The following RNGTT variants were observed in gnomAD, a reference collection of about 807,000 sequenced individuals.
RNGTT encodes RNA guanylyltransferase and 5'-phosphatase.
A neutral mutation model predicts 79.3 loss-of-function variants in RNGTT; 33 were observed. The ratio of observed to expected loss-of-function variants is 0.42; its 90% CI spans 0.32 to 0.56. RNGTT has a LOEUF of 0.56. Ranked by LOEUF, RNGTT falls within the 20% of genes least tolerant of loss-of-function variation. The pLI is 0.17. For synonymous variants in RNGTT, 222 were observed against 235.9 expected (o/e 0.94, Z 0.54); for missense variants, 497 against 739.1 (o/e 0.67, Z 3.80).
intron 1 of RNGTT, among the ~76,000 whole-genome samples, chr6:88,956,392 ATAAAT>A (rs535671272): frequency 1.4e-4 from 21 of 152,130 alleles, no homozygotes; most frequent in Admixed American, 1.2e-3. Context: ...GAAAACAAAA[ATAAAT>A]TAATTAAATT....
chr6:88,886,202 A>G (rs769597746), intron 8 of RNGTT, among the ~76,000 whole-genome samples: 2 of 152,168 alleles, frequency 1.3e-5, no homozygotes, highest in Non-Finnish European at 2.9e-5. Context: ...GCTGCTCGGG[A>G]GGCTGAGGCA....
intron 14 of RNGTT, among the ~76,000 whole-genome samples, chr6:88,641,760 T>C (rs990389428): frequency 6.6e-6 from 1 of 152,160 alleles, no homozygotes; most frequent in South Asian, 2.1e-4. Context: ...GGCAGCAGAC[T>C]CATTGAAGAA....
At chr6:88,642,814 AT>A (rs2127773836) in intron 14 of RNGTT, among the ~76,000 whole-genome samples, 1 of 152,364 alleles carries the variant, frequency 6.6e-6, no homozygotes, top group African/African-American at 2.4e-5. Flanking sequence ...TATGTGCTCA[AT>A]AAAAATGATT....
rs185618023 is a variant in RNGTT, at chr6:88,657,267, G to A, written c.1506+21086C>T. ...CCCCACTGGAAAACCTGAAAATCCAGATCATGGGAGAAGGATTTAACCTCA... is the reference window on the plus strand; with the variant it reads ...CCCCACTGGAAAACCTGAAAATCCAAATCATGGGAGAAGGATTTAACCTCA... On this transcript the variant is annotated intron_variant, in intron 14 of 15. Transcript: ENST00000369485. 1.8e-3 allele frequency among the ~76,000 whole-genome samples: 277 copies of A among 152,322 alleles called. 3 individuals are homozygous for A. Among genetic ancestry groups the A allele is most frequent in the African/African-American group, 6.5e-3 (271 of 41,570 alleles).
At chr6:88,794,561 AC>A (rs1269955332) in intron 12 of RNGTT, among the ~76,000 whole-genome samples, 1 of 152,216 alleles carries the variant, frequency 6.6e-6, no homozygotes, top group African/African-American at 2.4e-5. Context: ...GAAGGAAAGG[AC>A]TAATAACCTC....
intron 8 of RNGTT, among the ~76,000 whole-genome samples, chr6:88,870,929 G>C (rs1281314631): frequency 6.6e-6 from 1 of 152,086 alleles, no homozygotes; most frequent in South Asian, 2.1e-4. Context: ...GCCATCTAGC[G>C]AAGTCATAAG....
intron 8 of RNGTT, among the ~76,000 whole-genome samples, chr6:88,872,985 C>T (rs1782404214): frequency 6.6e-6 from 1 of 151,986 alleles, no homozygotes; most frequent in South Asian, 2.1e-4. Context: ...AACTCATACA[C>T]ACAACACACA....
intron 10 of RNGTT, among the ~76,000 whole-genome samples, chr6:88,844,830 G>C (rs1781434418): frequency 6.6e-6 from 1 of 152,070 alleles, no homozygotes; most frequent in African/African-American, 2.4e-5. Flanking sequence ...GCTCACACCT[G>C]TAGTCCCAGC....
At chr6:88,664,059 A>G (rs1774289117) in intron 14 of RNGTT, among the ~76,000 whole-genome samples, 1 of 152,182 alleles carries the variant, frequency 6.6e-6, no homozygotes, top group Non-Finnish European at 1.5e-5. Context: ...CTGGAAGAGC[A>G]TGTTCCAGCT....
chr6:88,960,873 A>G (rs934251507), intron 1 of RNGTT, among the ~76,000 whole-genome samples: 4 of 152,360 alleles, frequency 2.6e-5, no homozygotes, highest in South Asian at 2.1e-4. Flanking sequence ...TTTACAACAT[A>G]TAAGTTTGAG....
chr6:88,839,569 C>T (rs973855720), intron 11 of RNGTT, among the ~76,000 whole-genome samples: 11 of 148,706 alleles, frequency 7.4e-5, no homozygotes, highest in South Asian at 2.1e-4. Context: ...GACTCTGTTT[C>T]GAAAAAAAGA....
intron 14 of RNGTT, among the ~76,000 whole-genome samples, chr6:88,658,133 G>C (rs1774049465): frequency 6.6e-6 from 1 of 152,106 alleles, no homozygotes; most frequent in African/African-American, 2.4e-5. Flanking sequence ...CTGTCTGGAG[G>C]CCAGCCAACT....
intron 13 of RNGTT, among the ~76,000 whole-genome samples, chr6:88,691,641 T>C (rs1775486583): frequency 1.3e-5 from 2 of 152,206 alleles, no homozygotes; most frequent in Admixed American, 6.5e-5. Flanking sequence ...ATGCTGGCAA[T>C]ATTATTTTTA....
At chr6:88,909,553 G>A (rs915296065) in intron 4 of RNGTT, among the ~76,000 whole-genome samples, 2 of 152,120 alleles carry the variant, frequency 1.3e-5, no homozygotes, top group Non-Finnish European at 2.9e-5. Context: ...ATATCTAAGC[G>A]AGCAGGAAGA....
At chr6:88,846,274 G>T (rs1413323375) in intron 10 of RNGTT, among the ~76,000 whole-genome samples, 5 of 152,168 alleles carry the variant, frequency 3.3e-5, no homozygotes, top group Non-Finnish European at 7.4e-5. Flanking sequence ...TATCCATGCT[G>T]CCACTAGTTA....
intron 6 of RNGTT, among the ~76,000 whole-genome samples, chr6:88,900,101 G>A (rs1287073541): frequency 6.7e-6 from 1 of 148,686 alleles, no homozygotes; most frequent in Non-Finnish European, 1.5e-5. Flanking sequence ...CATAAACAAT[G>A]TCTAGTATTC....
At chr6:88,905,003 G>T in intron 5 of RNGTT, 48 bp from the exon 6 acceptor site, 3 of 1,586,956 alleles carry the variant, frequency 1.9e-6, no homozygotes, top group Non-Finnish European at 2.6e-6. Context: ...CTCTATTTAT[G>T]CAGGCTTATC....
intron 13 of RNGTT, among the ~76,000 whole-genome samples, chr6:88,747,866 A>T (rs146319097): frequency 6.2e-4 from 94 of 152,320 alleles, no homozygotes; most frequent in African/African-American, 2.2e-3. Flanking sequence ...ATGATTATGT[A>T]TATATCTGAA....
chr6:88,818,858 A>G (rs1397655995), intron 11 of RNGTT, among the ~76,000 whole-genome samples: 4 of 152,256 alleles, frequency 2.6e-5, no homozygotes, highest in Admixed American at 6.5e-5. Flanking sequence ...TGTTTTTTCT[A>G]TACAGAGCTA....
Sources: allele counts gnomAD v4.1 joint callset (sites outside exome capture counted in the v4.1 genomes callset), GRCh38; gene constraint gnomAD v4.1.1; transcripts MANE v1.5; gene names NCBI Gene and HGNC (gene_info 2026-07-23, HGNC 2026-07-21).